PLCG2: variants seen among roughly 807,000 people sequenced by gnomAD.
The protein encoded by PLCG2 is phospholipase C gamma 2, also known as 1-phosphatidylinositol 4,5-bisphosphate phosphodiesterase gamma-2.
PLCG2 carries 69 observed loss-of-function variants against 175.6 expected under a neutral mutation model. That is an observed-to-expected ratio of 0.39 (90% CI 0.32 to 0.48). PLCG2 has a LOEUF of 0.48. PLCG2 is among the 20% of genes least tolerant of loss of function. The pLI is 0.91. For missense variants in PLCG2, 1,798 were observed against 1,650.9 expected (o/e 1.09, Z -1.54); for synonymous variants, 827 against 624.0 (o/e 1.33, Z -4.85).
intron 2 of PLCG2, among the ~76,000 whole-genome samples, chr16:81,813,866 C>G (rs1364881326): frequency 6.6e-6 from 1 of 152,190 alleles, no homozygotes; most frequent in Admixed American, 6.5e-5. Flanking sequence ...AAGCAGAAGC[C>G]TGAAGCTTTT....
chr16:81,822,457 C>A (rs567524109), intron 2 of PLCG2, among the ~76,000 whole-genome samples: 65 of 152,192 alleles, frequency 4.3e-4, no homozygotes, highest in South Asian at 8.3e-4. Flanking sequence ...TCACAGGGTC[C>A]TTTTAAGAAA....
At chr16:81,816,504 G>T (rs114466443) in intron 2 of PLCG2, among the ~76,000 whole-genome samples, 2,129 of 151,590 alleles carry the variant, frequency 0.014, 54 homozygotes, top group African/African-American at 0.048. Context: ...TTGAGACACG[G>T]TCTCATTCTG....
At position 81,962,552 on chromosome 16, in the gene PLCG2, T is replaced by G. The variant is rs1911815175; in HGVS notation, c.*4554T>G. 9.1e-6 allele frequency: 2 copies of G among 218,956 alleles called. 1 individual carries two copies. The highest frequency in any genetic ancestry group is 3.7e-4 in the South Asian group (2 of 5,414). 13.6% of individuals were successfully genotyped at this position (218,956 alleles called of 1,614,324 possible). A position where few individuals can be genotyped will look rare whatever the true frequency, so the allele number is the denominator to read the frequency against. ...GTTTCATTATTAAAGCTTAATTTATTTTTTATATAAATAGTATGTGCTTTG... is the reference window on the plus strand; with the variant it reads ...GTTTCATTATTAAAGCTTAATTTATGTTTTATATAAATAGTATGTGCTTTG... On this transcript the variant is annotated 3_prime_UTR_variant, in exon 33 of 33. Coordinates refer to ENST00000564138, the MANE Select transcript of PLCG2 (RefSeq NM_002661.5).
chr16:81,757,563 C>G (rs1909955143), intron 2 of PLCG2, among the ~76,000 whole-genome samples: 1 of 150,576 alleles, frequency 6.6e-6, no homozygotes, highest in Non-Finnish European at 1.5e-5. Context: ...GACTCTGTCT[C>G]AAAAAAGAAA....
intron 5 of PLCG2, among the ~76,000 whole-genome samples, chr16:81,867,183 A>T (rs1362042582): frequency 6.6e-6 from 1 of 152,240 alleles, no homozygotes; most frequent in Non-Finnish European, 1.5e-5. Context: ...GCGGCTGGGC[A>T]GTGACGCGCT....
chr16:81,835,485 A>G (rs2143402471), intron 2 of PLCG2, among the ~76,000 whole-genome samples: 1 of 152,202 alleles, frequency 6.6e-6, no homozygotes, highest in South Asian at 2.1e-4. Context: ...AGGCTGAGGT[A>G]TGAGAATCGC....
chr16:81,803,782 A>T (rs564269891), intron 2 of PLCG2, among the ~76,000 whole-genome samples: 2 of 151,214 alleles, frequency 1.3e-5, no homozygotes, highest in African/African-American at 2.4e-5. Context: ...CCTGGATTCA[A>T]GTGATTCTCG....
At chr16:81,875,909 A>T (rs928850509) in intron 7 of PLCG2, among the ~76,000 whole-genome samples, 2 of 151,746 alleles carry the variant, frequency 1.3e-5, no homozygotes, top group Admixed American at 1.3e-4. Context: ...ATGTTTGTGG[A>T]GGAGCTCAGA....
In PLCG2 at chr16:81,759,185, C is replaced by A. The variant is rs1463012530; in HGVS notation, c.-48+3219C>A. ...GAGTTGTAAGAGTTCTTTATAGATT[C>A]TAGATACTAGTCCTTTATCAGATAC... On this transcript the variant is annotated intron_variant, in intron 2 of 5. Transcript: ENST00000565054. Among the ~76,000 whole-genome samples, 8 of 152,130 alleles carry A rather than the reference C, an allele frequency of 5.3e-5. No homozygotes were observed. In the South Asian group the frequency reaches 1.4e-3, roughly 28 times the overall value.
At chr16:81,862,178 A>G (rs1014927602) in intron 5 of PLCG2, among the ~76,000 whole-genome samples, 1 of 152,346 alleles carries the variant, frequency 6.6e-6, no homozygotes. Context: ...CTGAAGGAAA[A>G]CAAAGGAGCC....
At chr16:81,909,030 T>C (rs1427283670) in intron 17 of PLCG2, among the ~76,000 whole-genome samples, 2 of 152,220 alleles carry the variant, frequency 1.3e-5, no homozygotes, top group Admixed American at 6.5e-5. Flanking sequence ...GAAGCCGTCA[T>C]AGGCTGTGAT....
At chr16:81,882,775 C>CCCCACCTCGTTCTGGCTCAT (rs1567514806) in intron 8 of PLCG2, among the ~76,000 whole-genome samples, 2 of 152,058 alleles carry the variant, frequency 1.3e-5, no homozygotes, top group Non-Finnish European at 2.9e-5. Flanking sequence ...TTCTGGCTCA[C>CCCCACCTCGTTCTGGCTCAT]CCCACCTCGT....
At chr16:81,919,387 C>G in intron 19 of PLCG2, 97 bp from the exon 20 acceptor site, 1 of 886,526 alleles carries the variant, frequency 1.1e-6, no homozygotes, top group South Asian at 1.5e-5. Flanking sequence ...TTCTCTAAGG[C>G]TGGATAACTA....
intron 7 of PLCG2, among the ~76,000 whole-genome samples, chr16:81,871,488 G>A (rs550097777): frequency 2.0e-5 from 3 of 152,100 alleles, no homozygotes; most frequent in South Asian, 4.2e-4. Flanking sequence ...GCAGACGTGC[G>A]CCACCACGCC....
chr16:81,907,142 A>C (rs1485089556), intron 15 of PLCG2, among the ~76,000 whole-genome samples: 1 of 152,036 alleles, frequency 6.6e-6, no homozygotes, highest in Admixed American at 6.6e-5. Flanking sequence ...AAAGTATAAT[A>C]AAAAAATACA....
Position 81,959,693 on chromosome 16 carries a change from A to G in PLCG2, c.*1695A>G, listed in dbSNP as rs557515685. 1 of 185,028 alleles carries G rather than the reference A, an allele frequency of 5.4e-6. No homozygotes were observed. Among genetic ancestry groups the G allele is most frequent in the African/African-American group, 2.3e-5 (1 of 42,754 alleles). 11.5% of individuals were successfully genotyped at this position (185,028 alleles called of 1,614,324 possible). ...GCAGATGTTCAAAGCAACTTTCAAG[A>G]AAGGCTAGGTGAGAAAGGCACTGGG... On this transcript the variant is annotated 3_prime_UTR_variant, in exon 33 of 33. Coordinates refer to ENST00000564138, the MANE Select transcript of PLCG2 (RefSeq NM_002661.5).
In PLCG2 at chr16:81,870,833, A is replaced by C; in HGVS notation, c.565-19A>C. On this transcript the variant is annotated intron_variant, in intron 6 of 32. Coordinates refer to ENST00000564138, the MANE Select transcript of PLCG2 (RefSeq NM_002661.5). ...GGTGGACATCAAAAATCATGTGGTC[A>C]CTTTTTTCATATTTACAGGAAATAG... The C allele has an allele frequency of 6.9e-7, 1 of 1,449,110 alleles. No homozygotes were observed. Among genetic ancestry groups the C allele is most frequent in the Non-Finnish European group, 9.6e-7 (1 of 1,045,262 alleles). The allele number at this position is 1,449,110 out of a possible 1,614,324, so 89.8% of individuals were successfully genotyped here.
chr16:81,804,009 G>A (rs188898766), intron 2 of PLCG2, among the ~76,000 whole-genome samples: 4 of 152,264 alleles, frequency 2.6e-5, no homozygotes, highest in Admixed American at 6.5e-5. Flanking sequence ...ATAATACTGC[G>A]GTGGACATTC....
At chr16:81,773,833 G>T (rs552841765) in intron 2 of PLCG2, among the ~76,000 whole-genome samples, 8 of 152,106 alleles carry the variant, frequency 5.3e-5, no homozygotes, top group Non-Finnish European at 2.9e-5. Context: ...GAGAGTGAGC[G>T]ACTGGGACTG....
Sources: gnomAD v4.1 joint callset for allele counts (sites outside exome capture counted in the v4.1 genomes callset) on GRCh38, gnomAD v4.1.1 for gene constraint, MANE v1.5 for transcripts, NCBI Gene and HGNC (gene_info 2026-07-23, HGNC 2026-07-21) for gene names.